Variants in AP1AR observed in about 807,000 individuals in gnomAD.
AP1AR encodes adaptor related protein complex 1 associated regulatory protein.
Under a neutral mutation model 46.3 loss-of-function variants are expected in AP1AR, and 29 were observed. The ratio of observed to expected loss-of-function variants is 0.63; its 90% CI spans 0.47 to 0.85. The LOEUF (loss-of-function observed/expected upper bound fraction) is 0.85, where lower values mean the gene tolerates loss of function less well. Ranked by LOEUF, AP1AR falls within the 40% of genes least tolerant of loss-of-function variation. The pLI, the probability that AP1AR is intolerant of heterozygous loss-of-function variation, is 0.00. For synonymous variants in AP1AR, 122 were observed against 122.9 expected (o/e 0.99, Z 0.05); for missense variants, 357 against 356.3 (o/e 1.00, Z -0.02).
At chr4:112,240,905 T>C (rs138159696) in intron 1 of AP1AR, among the ~76,000 whole-genome samples, 5 of 152,246 alleles carry the variant, frequency 3.3e-5, no homozygotes, top group Non-Finnish European at 7.4e-5. Flanking sequence ...AAATAAAAAA[T>C]TGGAAGATTC....
rs144820260 is a variant in AP1AR at position 112,249,221 on chromosome 4, C to T, written c.84-3987C>T. ...AGGCAGGAGAATTGCTTGAACCCAG[C>T]GGGTGGAGGTTGTGAGCCAAGATCG... is the stretch of plus-strand genomic sequence containing the variant. On this transcript the variant is annotated intron_variant, in intron 1 of 9. Coordinates refer to ENST00000274000, the MANE Select transcript of AP1AR (RefSeq NM_018569.6). Among the ~76,000 whole-genome samples, 456 of 151,124 alleles carry T rather than the reference C, an allele frequency of 3.0e-3. 11 individuals are homozygous for T. The highest frequency in any genetic ancestry group is 0.021 in the Admixed American group (326 of 15,186).
In AP1AR at chr4:112,271,753, T is replaced by TGTCA. The variant is rs1330883035; in HGVS notation, c.*3345_*3348dup. On this transcript the variant is annotated 3_prime_UTR_variant, in exon 10 of 10. Coordinates refer to ENST00000274000, the MANE Select transcript of AP1AR (RefSeq NM_018569.6). Reference sequence around the variant, plus strand: ...TGTTCATAAGATATTTGGATGAAGATGTCAAGTAGGTGATGGGATATATGT... The same window carrying TGTCA: ...TGTTCATAAGATATTTGGATGAAGATGTCAGTCAAGTAGGTGATGGGATATATGT... 6.6e-6 allele frequency among the ~76,000 whole-genome samples: 1 copy of TGTCA among 152,176 alleles called. No individual in the cohort carries two copies. The highest frequency in any genetic ancestry group is 1.9e-4 in the East Asian group (1 of 5,194).
rs867391243 is a variant in AP1AR at position 112,271,510 on chromosome 4, G to A, written c.*3101G>A. 5.9e-5 allele frequency among the ~76,000 whole-genome samples: 9 copies of A among 152,314 alleles called. No homozygotes were observed. In the South Asian group the frequency reaches 1.9e-3, roughly 32 times the overall value. ...AGGGAGCTGACTCCATCCTGATACT[G>A]CTTTTGCTGTCTGTGTAAATAATAA... On this transcript the variant is annotated 3_prime_UTR_variant, in exon 10 of 10. Transcript: ENST00000274000.
At position 112,272,200 on chromosome 4, in the gene AP1AR, T is replaced by C. The variant is rs942888836; in HGVS notation, c.*3791T>C. On this transcript the variant is annotated 3_prime_UTR_variant, in exon 10 of 10. Transcript: ENST00000274000. ...GGATGTGGAGTTATAGAAGGGTTTT[T>C]ATTTAAAAGATACTAGCTTTAGAGT... Among the ~76,000 whole-genome samples, 4 of 152,126 alleles carry C rather than the reference T, an allele frequency of 2.6e-5. No individual in the cohort carries two copies. The highest frequency in any genetic ancestry group is 9.7e-5 in the African/African-American group (4 of 41,426).
chr4:112,250,194 C>T (rs1725895610), intron 1 of AP1AR, among the ~76,000 whole-genome samples: 1 of 152,132 alleles, frequency 6.6e-6, no homozygotes, highest in African/African-American at 2.4e-5. Flanking sequence ...TTGCCAAGAG[C>T]CTCATTGAGA....
chr4:112,254,768 G>T lies in AP1AR; in HGVS notation c.154G>T (p.Asp52Tyr). 6.7e-7 allele frequency: 1 copy of T among 1,496,084 alleles called. No individual in the cohort carries two copies. The highest frequency in any genetic ancestry group is 9.0e-7 in the Non-Finnish European group (1 of 1,109,056). 92.7% of individuals were successfully genotyped at this position (1,496,084 alleles called of 1,614,324 possible). A position where few individuals can be genotyped will look rare whatever the true frequency, so the allele number is the denominator to read the frequency against. ...TCAGTTTGAGAATCTAGTAGAAAGT[G>T]ATGAAGTAAGTATTTCCATAATAGT... ...TIEFENLVESDEGESPGSSHR... is the reference protein window; with the variant it reads ...TIEFENLVESYEGESPGSSHR... Residue 52 changes from aspartate (D) to tyrosine (Y), a missense_variant, in exon 3 of 10, where the codon GAT becomes TAT. Around this residue, in one of 2 missense-constraint regions of AP1AR, gnomAD observed 269 missense variants for 223.6 expected, o/e 1.20. Coordinates refer to ENST00000274000, the MANE Select transcript of AP1AR (RefSeq NM_018569.6).
At chr4:112,243,082 C>T (rs1725578540) in intron 1 of AP1AR, among the ~76,000 whole-genome samples, 1 of 152,164 alleles carries the variant, frequency 6.6e-6, no homozygotes, top group African/African-American at 2.4e-5. Context: ...AATTACTTAT[C>T]GCCTTCCTTT....
intron 1 of AP1AR, among the ~76,000 whole-genome samples, chr4:112,234,727 C>T (rs749675287): frequency 2.0e-5 from 3 of 148,020 alleles, no homozygotes; most frequent in Non-Finnish European, 4.5e-5. Context: ...AGTAGTTCTT[C>T]TAAAGGTGAA....
At chr4:112,234,229 A>G (rs1357320500) in intron 1 of AP1AR, among the ~76,000 whole-genome samples, 3 of 152,250 alleles carry the variant, frequency 2.0e-5, no homozygotes, top group African/African-American at 7.2e-5. Flanking sequence ...TTTGGAATAT[A>G]TGCATTATAT....
At chr4:112,257,676 T>C in intron 3 of AP1AR, 96 bp from the exon 4 acceptor site, 1 of 915,624 alleles carries the variant, frequency 1.1e-6, no homozygotes, top group Admixed American at 3.1e-5. Context: ...AATGGGTAAG[T>C]TGAAAGTATT....
chr4:112,266,861 G>T, intron 9 of AP1AR, 145 bp downstream of exon 9: 2 of 656,512 alleles, frequency 3.0e-6, no homozygotes, highest in Non-Finnish European at 2.3e-6. Context: ...TTATTGTATT[G>T]GTGATGATCT....
At chr4:112,255,279 T>C (rs1322967317) in intron 3 of AP1AR, among the ~76,000 whole-genome samples, 1 of 97,828 alleles carries the variant, frequency 1.0e-5, no homozygotes, top group Admixed American at 9.9e-5. Context: ...TTTTTTACTA[T>C]CTAAGATACA....
At chr4:112,254,070 A>G (rs921135153) in intron 2 of AP1AR, among the ~76,000 whole-genome samples, 12 of 152,188 alleles carry the variant, frequency 7.9e-5, no homozygotes, top group African/African-American at 2.7e-4. Flanking sequence ...CTTTAAGCCA[A>G]ACAGTATTAA....
chr4:112,252,923 G>T (rs1487752252), intron 1 of AP1AR, among the ~76,000 whole-genome samples: 1 of 152,122 alleles, frequency 6.6e-6, no homozygotes, highest in Non-Finnish European at 1.5e-5. Flanking sequence ...ATTTTAAAAT[G>T]TATTCTACTC....
intron 1 of AP1AR, among the ~76,000 whole-genome samples, chr4:112,239,080 A>G (rs1725372930): frequency 6.6e-6 from 1 of 152,054 alleles, no homozygotes; most frequent in African/African-American, 2.4e-5. Flanking sequence ...TCTAACATCT[A>G]TATCCTCTCT....
At position 112,271,915 on chromosome 4, in the gene AP1AR, G is replaced by C. The variant is rs942982975; in HGVS notation, c.*3506G>C. 6.6e-6 allele frequency among the ~76,000 whole-genome samples: 1 copy of C among 152,216 alleles called. No homozygotes were observed. The highest frequency in any genetic ancestry group is 1.5e-5 in the Non-Finnish European group (1 of 68,040). On this transcript the variant is annotated 3_prime_UTR_variant, in exon 10 of 10. Coordinates refer to ENST00000274000, the MANE Select transcript of AP1AR (RefSeq NM_018569.6). ...AAGCCCCACTAAGTGTTGACATTTA[G>C]AAGTTGGGGGTAGTGAAACAGTCGT...
chr4:112,254,526 T>C (rs1396830367), intron 2 of AP1AR, among the ~76,000 whole-genome samples: 1 of 152,232 alleles, frequency 6.6e-6, no homozygotes, highest in Non-Finnish European at 1.5e-5. Context: ...TGATTTTCAT[T>C]CATAGAAAGT....
chr4:112,258,767 T>C (rs980201644), intron 4 of AP1AR, among the ~76,000 whole-genome samples: 2 of 152,242 alleles, frequency 1.3e-5, no homozygotes, highest in Non-Finnish European at 2.9e-5. Flanking sequence ...TATACAATTA[T>C]CAAAACAACT....
At chr4:112,234,180 C>G (rs1725145926) in intron 1 of AP1AR, among the ~76,000 whole-genome samples, 1 of 152,202 alleles carries the variant, frequency 6.6e-6, no homozygotes, top group Admixed American at 6.5e-5. Flanking sequence ...TATTTCTTAT[C>G]TGAAATACTT....
Sources: allele counts gnomAD v4.1 joint callset (sites outside exome capture counted in the v4.1 genomes callset), GRCh38; gene constraint gnomAD v4.1.1; regional missense constraint gnomAD v4.1.1; transcripts MANE v1.5; gene names NCBI Gene and HGNC (gene_info 2026-07-23, HGNC 2026-07-21).